Variants in POLE2 observed in about 807,000 individuals in gnomAD.
POLE2 encodes the protein DNA polymerase epsilon 2, accessory subunit.
Under a neutral mutation model 79.4 loss-of-function variants are expected in POLE2, and 56 were observed. The ratio of observed to expected loss-of-function variants is 0.71; its 90% CI spans 0.57 to 0.88. The LOEUF is 0.88. Among genes scored for constraint, POLE2 ranks in the 40% least tolerant of loss-of-function variants. The pLI is 0.00. For missense variants in POLE2, 598 were observed against 638.9 expected (o/e 0.94, Z 0.69); for synonymous variants, 212 against 214.0 (o/e 0.99, Z 0.08).
Position 49,647,273 on chromosome 14 carries a change from G to A in POLE2, c.1565+20C>T. 1 of 1,260,868 alleles carries A rather than the reference G, an allele frequency of 7.9e-7. No individual in the cohort carries two copies. Among genetic ancestry groups the A allele is most frequent in the South Asian group, 1.3e-5 (1 of 74,226 alleles). The allele number at this position is 1,260,868 out of a possible 1,614,324, so 78.1% of individuals were successfully genotyped here. Reference sequence around the variant, plus strand: ...CACCTAGAGAAAGATCTTTCTTGCTGTGTCTGTGCACACACTTACCTATCT... The same window carrying A: ...CACCTAGAGAAAGATCTTTCTTGCTATGTCTGTGCACACACTTACCTATCT... On this transcript the variant is annotated intron_variant, in intron 18 of 18. Coordinates refer to ENST00000216367, the MANE Select transcript of POLE2 (RefSeq NM_002692.4).
Position 49,665,157 on chromosome 14 carries a change from AT to A in POLE2, c.582del (p.Lys194AsnfsTer13). The A allele has an allele frequency of 7.4e-7, 1 of 1,350,718 alleles. No individual in the cohort carries two copies. Among genetic ancestry groups the A allele is most frequent in the Non-Finnish European group, 1.1e-6 (1 of 945,578 alleles). The allele number at this position is 1,350,718 out of a possible 1,614,324, so 83.7% of individuals were successfully genotyped here. On this transcript the variant is annotated frameshift_variant, in exon 8 of 19. Coordinates refer to ENST00000216367, the MANE Select transcript of POLE2 (RefSeq NM_002692.4). LOFTEE classifies it high-confidence loss of function. Reference protein sequence around the residue: ...LGMITQLKEGKFFLEDPTGTV... With the variant: ...LGMITQLKEGXFFLEDPTGTV... ...GTTCCAGTAGGATCTTCCAGAAAAA[AT>A]TTTCCCTAAAAAAATGAAAATAAAT...
rs1386105771 is a variant in POLE2 at position 49,666,850 on chromosome 14, T to G, written c.493-437A>C. ...CTCATTATTATTTACATTCTCAATC[T>G]GATCTTTTTTTCTAATCAGAAAGTT... is the stretch of plus-strand genomic sequence containing the variant. On this transcript the variant is annotated intron_variant, in intron 6 of 18. Transcript: ENST00000216367. Among the ~76,000 whole-genome samples the G allele has an allele frequency of 2.0e-5, 3 of 152,302 alleles. No homozygotes were observed. The East Asian group carries it at 5.8e-4, about 29-fold the overall frequency.
At chr14:49,663,562 C>T (rs1885247418) in intron 9 of POLE2, among the ~76,000 whole-genome samples, 175 bp from the exon 10 acceptor site, 1 of 152,184 alleles carries the variant, frequency 6.6e-6, no homozygotes, top group Admixed American at 6.5e-5. Flanking sequence ...AGAGTCTCAA[C>T]TTATAAAATT....
At chr14:49,648,771 C>T (rs778123988) in intron 17 of POLE2, among the ~76,000 whole-genome samples, 6 of 152,226 alleles carry the variant, frequency 3.9e-5, no homozygotes, top group East Asian at 1.9e-4. Context: ...GTGCCAAGGC[C>T]GATAAGCCAT....
At chr14:49,683,729 A>T (rs903265513) in intron 1 of POLE2, 36 bp from the exon 2 acceptor site, 2 of 1,059,038 alleles carry the variant, frequency 1.9e-6, no homozygotes, top group Non-Finnish European at 2.9e-6. Flanking sequence ...GCAGGTCATT[A>T]GTAATTAAAG....
chr14:49,643,757 G>T, intron 18 of POLE2, 87 bp from the exon 19 acceptor site: 1 of 616,524 alleles, frequency 1.6e-6, no homozygotes, highest in Non-Finnish European at 2.8e-6. Context: ...AATAGGTATA[G>T]TTAATTGATT....
intron 8 of POLE2, 93 bp downstream of exon 8, chr14:49,665,014 G>T: frequency 1.4e-6 from 1 of 696,632 alleles, no homozygotes; most frequent in South Asian, 1.6e-5. Flanking sequence ...GTTACATTGA[G>T]AACCCAAATA....
chr14:49,647,436 A>ATATTTTT (rs1427105327), intron 17 of POLE2, 76 bp from the exon 18 acceptor site: 13 of 506,016 alleles, frequency 2.6e-5, no homozygotes, highest in Non-Finnish European at 4.0e-5. Flanking sequence ...CACAATATGT[A>ATATTTTT]TATTTTTTAT....
chr14:49,673,841 G>T (rs1272868802), intron 5 of POLE2, among the ~76,000 whole-genome samples: 1 of 152,204 alleles, frequency 6.6e-6, no homozygotes, highest in African/African-American at 2.4e-5. Context: ...AGGATTAAAT[G>T]AGGTAAATAA....
Position 49,659,242 on chromosome 14 carries a change from A to AC in POLE2, c.756-3400dup, listed in dbSNP as rs564144457. The stretch of plus-strand genomic sequence containing the variant: ...GACCAGCCTGAGCAACATAGTGAAG[A>AC]CCCCCACCAATCCCTACACAATTTT... On this transcript the variant is annotated intron_variant, in intron 10 of 18. Transcript: ENST00000216367. Among the ~76,000 whole-genome samples the AC allele has an allele frequency of 4.2e-4, 61 of 145,360 alleles. 2 individuals carry two copies. The South Asian group carries it at 9.5e-3, about 23-fold the overall frequency.
chr14:49,650,380 A>G lies in POLE2; in HGVS notation c.1382T>C (p.Val461Ala), dbSNP rs1884126430. 1 of 1,599,132 alleles carries G rather than the reference A, an allele frequency of 6.3e-7. No individual in the cohort carries two copies. Among genetic ancestry groups the G allele is most frequent in the Non-Finnish European group, 8.5e-7 (1 of 1,170,776 alleles). ...LTPLPLYVCP[V>A]YWAYDYALRV... ...CAAAGCATAGTCATATGCCCAATAC[A>G]CTGGGCAGACATAAAGAGGTAGGGG... Residue 461 changes from valine (V) to alanine (A), a missense_variant, in exon 17 of 19, where the codon GTG becomes GCG. Coordinates refer to ENST00000216367, the MANE Select transcript of POLE2 (RefSeq NM_002692.4).
intron 17 of POLE2, chr14:49,649,971 T>C (rs981584668): frequency 1.0e-4 from 18 of 173,208 alleles, no homozygotes; most frequent in Admixed American, 4.4e-4. Flanking sequence ...CAGAAAGGAA[T>C]CCCAAGATAA....
intron 9 of POLE2, 77 bp from the exon 10 acceptor site, chr14:49,663,464 A>G (rs1329419898): frequency 7.3e-6 from 7 of 962,504 alleles, no homozygotes; most frequent in Non-Finnish European, 1.1e-5. Flanking sequence ...CAACAAAGCA[A>G]TAATGCCAGG....
rs1323093628 is a variant in POLE2 at position 49,674,143 on chromosome 14, G to A, written c.397C>T (p.Arg133Ter). ...PRDKAEMFRE[R>*]YTILHQRTHR... The stretch of plus-strand genomic sequence containing the variant: ...CTTACCTGGTGCAAAATGGTATATC[G>A]CTCACGAAACATCTCTGCTTTATCT... The change falls in exon 5 of 19, where the codon CGA becomes TGA. Residue 133 changes from arginine to a stop codon, truncating the protein, a stop_gained. Transcript: ENST00000216367. LOFTEE classifies it high-confidence loss of function. 3 of 1,611,350 alleles carry A rather than the reference G, an allele frequency of 1.9e-6. No homozygotes were observed. The highest frequency in any genetic ancestry group is 2.5e-6 in the Non-Finnish European group (3 of 1,177,758).
chr14:49,649,615 A>T (rs980775671), intron 17 of POLE2, among the ~76,000 whole-genome samples: 16 of 151,244 alleles, frequency 1.1e-4, no homozygotes, highest in African/African-American at 3.9e-4. Flanking sequence ...ACGCCCAGCT[A>T]ATTATTGTAA....
At chr14:49,645,043 C>CAAAAAAAAAAAAAAAAAAAAAA (rs527251561) in intron 18 of POLE2, among the ~76,000 whole-genome samples, 13 of 88,270 alleles carry the variant, frequency 1.5e-4, no homozygotes, top group African/African-American at 2.0e-4. Flanking sequence ...CTCCGTCTCA[C>CAAAAAAAAAAAAAAAAAAAAAA]AAAAAAAAAA....
chr14:49,650,756 C>G lies in POLE2; in HGVS notation c.1321-315G>C, dbSNP rs368392955. 3.9e-4 allele frequency among the ~76,000 whole-genome samples: 60 copies of G among 152,272 alleles called. No homozygotes were observed. In the South Asian group the frequency reaches 0.011, roughly 29 times the overall value. ...GGATTACAGGCATAAGCCACTGCAC[C>G]TGGTCCATAAACTTTAAATATTATA... On this transcript the variant is annotated intron_variant, in intron 16 of 18. Coordinates refer to ENST00000216367, the MANE Select transcript of POLE2 (RefSeq NM_002692.4).
At chr14:49,657,116 A>G (rs544610052) in intron 10 of POLE2, among the ~76,000 whole-genome samples, 1 of 152,004 alleles carries the variant, frequency 6.6e-6, no homozygotes, top group African/African-American at 2.4e-5. Context: ...TTGCCTCAAA[A>G]AAAAAAAAAA....
At chr14:49,682,640 G>GAAAAAAAAAAAAAAAA (rs35984833) in intron 2 of POLE2, among the ~76,000 whole-genome samples, 16 of 60,978 alleles carry the variant, frequency 2.6e-4, no homozygotes, top group African/African-American at 8.0e-4. Context: ...CCTTCTCAGG[G>GAAAAAAAAAAAAAAAA]AAAAAAAAAA....
Sources: allele counts gnomAD v4.1 joint callset (sites outside exome capture counted in the v4.1 genomes callset), GRCh38; gene constraint gnomAD v4.1.1; transcripts MANE v1.5; gene names NCBI Gene and HGNC (gene_info 2026-07-23, HGNC 2026-07-21).